Variants in MAGI3 observed in about 807,000 individuals in gnomAD.
The protein encoded by MAGI3 is membrane associated guanylate kinase, WW and PDZ domain containing 3.
Under a neutral mutation model 121.8 loss-of-function variants are expected in MAGI3, and 43 were observed. The observed-to-expected ratio is 0.35, with a 90% CI of 0.28 to 0.46. The LOEUF (loss-of-function observed/expected upper bound fraction) is 0.46. Among genes scored for constraint, MAGI3 ranks in the 20% least tolerant of loss-of-function variants. MAGI3 has a pLI of 1.00. For missense variants in MAGI3, 1,547 were observed against 1,797.3 expected, an observed-to-expected ratio of 0.86 and a Z score of 2.52; for synonymous variants, 553 against 639.3, an observed-to-expected ratio of 0.86 and a Z score of 2.04.
At chr1:113,412,235 G>T (rs997807875) in intron 1 of MAGI3, among the ~76,000 whole-genome samples, 1 of 152,034 alleles carries the variant, frequency 6.6e-6, no homozygotes, top group African/African-American at 2.4e-5. Context: ...GTATTCCATG[G>T]TGTATATGTG....
At chr1:113,679,316 A>G (rs991827736) in intron 19 of MAGI3, among the ~76,000 whole-genome samples, 28 of 151,962 alleles carry the variant, frequency 1.8e-4, no homozygotes, top group African/African-American at 6.5e-4. Context: ...ATGTGTACTC[A>G]GTGTTTAGCT....
chr1:113,445,822 A>G (rs1654150905), intron 1 of MAGI3, among the ~76,000 whole-genome samples: 1 of 152,248 alleles, frequency 6.6e-6, no homozygotes, highest in African/African-American at 2.4e-5. Context: ...AGTGAGGGAT[A>G]AATTAAGACA....
intron 1 of MAGI3, among the ~76,000 whole-genome samples, chr1:113,480,523 C>T (rs1480688993): frequency 6.6e-6 from 1 of 152,146 alleles, no homozygotes; most frequent in Non-Finnish European, 1.5e-5. Flanking sequence ...GGACCTGGAG[C>T]CTGGGGCTAT....
At chr1:113,585,355 A>G (rs1648297966) in intron 3 of MAGI3, 32 bp from the exon 4 acceptor site, 1 of 1,591,384 alleles carries the variant, frequency 6.3e-7, no homozygotes, top group Non-Finnish European at 8.6e-7. Context: ...CTGCAACATT[A>G]GTAATTTCAG....
chr1:113,646,266 A>T (rs576345675), intron 11 of MAGI3, among the ~76,000 whole-genome samples: 7 of 152,258 alleles, frequency 4.6e-5, no homozygotes, highest in African/African-American at 1.7e-4. Flanking sequence ...TCTTCAGTTG[A>T]TATTACTATA....
chr1:113,439,482 GC>G (rs1349887495), intron 1 of MAGI3, among the ~76,000 whole-genome samples: 1 of 152,240 alleles, frequency 6.6e-6, no homozygotes, highest in East Asian at 1.9e-4. Flanking sequence ...ATTTCCTGAA[GC>G]CAGTTTATTA....
Position 113,685,671 on chromosome 1 carries a change from C to T in MAGI3, c.*1657C>T, listed in dbSNP as rs1031805115. On this transcript the variant is annotated 3_prime_UTR_variant, in exon 21 of 21. Coordinates refer to ENST00000307546, the MANE Select transcript of MAGI3 (RefSeq NM_001142782.2). Reference sequence around the variant, plus strand: ...CCCTGTAGTCCACAATTAGTGATAACGAATCCTATTTTTGTTAACTGTGAC... The same window carrying T: ...CCCTGTAGTCCACAATTAGTGATAATGAATCCTATTTTTGTTAACTGTGAC... The T allele has an allele frequency of 1.4e-4, 22 of 152,276 alleles. No individual in the cohort carries two copies. The highest frequency in any genetic ancestry group is 4.8e-4 in the African/African-American group (20 of 41,426). The allele number at this position is 152,276 out of a possible 1,614,324, so 9.4% of individuals were successfully genotyped here.
intron 2 of MAGI3, among the ~76,000 whole-genome samples, chr1:113,558,419 G>GCAATGGT (rs1227216733): frequency 6.6e-6 from 1 of 152,146 alleles, no homozygotes; most frequent in Non-Finnish European, 1.5e-5. Flanking sequence ...GCAATCACAA[G>GCAATGGT]TATTCATAGC....
intron 1 of MAGI3, among the ~76,000 whole-genome samples, chr1:113,493,508 A>G (rs1196175059): frequency 2.0e-5 from 3 of 152,324 alleles, no homozygotes; most frequent in Non-Finnish European, 4.4e-5. Context: ...CAGCTGCAAT[A>G]AAGGTAAAAA....
intron 2 of MAGI3, among the ~76,000 whole-genome samples, chr1:113,573,068 G>C (rs1355563380): frequency 6.6e-6 from 1 of 152,056 alleles, no homozygotes; most frequent in Non-Finnish European, 1.5e-5. Flanking sequence ...TGGGACTACA[G>C]GTGCCCGCCA....
In MAGI3 at chr1:113,531,324, A is replaced by C. The variant is rs551547425; in HGVS notation, c.317-18191A>C. On this transcript the variant is annotated intron_variant, in intron 1 of 20. Coordinates refer to ENST00000307546, the MANE Select transcript of MAGI3 (RefSeq NM_001142782.2). ...TATTTTTATCACTGACATTGTTTAG[A>C]ATTGCTGGCACTTGATGATAAAAAG... Among the ~76,000 whole-genome samples the C allele has an allele frequency of 7.2e-5, 11 of 152,258 alleles. No individual in the cohort carries two copies. The South Asian group carries it at 2.3e-3, about 32-fold the overall frequency.
chr1:113,682,075 C>A, intron 20 of MAGI3: 1 of 1,049,710 alleles, frequency 9.5e-7, no homozygotes, highest in Non-Finnish European at 1.3e-6. Context: ...AGTACCCTTC[C>A]AGCTTATGAT....
At chr1:113,645,639 TC>T (rs1398753978) in intron 11 of MAGI3, among the ~76,000 whole-genome samples, 1 of 152,028 alleles carries the variant, frequency 6.6e-6, no homozygotes, top group African/African-American at 2.4e-5. Flanking sequence ...GATTGAAGGG[TC>T]CCCTCTAGCA....
chr1:113,448,786 C>T (rs1460165580), intron 1 of MAGI3, among the ~76,000 whole-genome samples: 2 of 151,984 alleles, frequency 1.3e-5, no homozygotes, highest in East Asian at 1.9e-4. Context: ...ACCCGGCCCT[C>T]GATGCATTTT....
At chr1:113,467,123 C>T (rs1246617069) in intron 1 of MAGI3, among the ~76,000 whole-genome samples, 2 of 151,972 alleles carry the variant, frequency 1.3e-5, no homozygotes, top group South Asian at 4.2e-4. Flanking sequence ...GTATCCCATA[C>T]GTTTTGTTAT....
At chr1:113,653,193 T>C (rs959787035) in intron 14 of MAGI3, among the ~76,000 whole-genome samples, 1 of 152,238 alleles carries the variant, frequency 6.6e-6, no homozygotes, top group African/African-American at 2.4e-5. Flanking sequence ...ATATTTATAA[T>C]TGATTTTAAA....
At chr1:113,666,371 T>A (rs1654044205) in intron 16 of MAGI3, among the ~76,000 whole-genome samples, 1 of 152,248 alleles carries the variant, frequency 6.6e-6, no homozygotes, top group Non-Finnish European at 1.5e-5. Flanking sequence ...TGTACTATTC[T>A]AAATCCTTTG....
At chr1:113,655,919 T>C (rs1334302879) in intron 15 of MAGI3, among the ~76,000 whole-genome samples, 2 of 152,206 alleles carry the variant, frequency 1.3e-5, no homozygotes, top group Non-Finnish European at 1.5e-5. Context: ...ATCATCATTA[T>C]TTAGAAAATT....
intron 1 of MAGI3, among the ~76,000 whole-genome samples, chr1:113,492,417 G>A (rs191849081): frequency 6.6e-6 from 1 of 152,166 alleles, no homozygotes; most frequent in Non-Finnish European, 1.5e-5. Flanking sequence ...ACATCATACT[G>A]AATGGGCAAA....
Sources: gnomAD v4.1 joint callset for allele counts (sites outside exome capture counted in the v4.1 genomes callset) on GRCh38, gnomAD v4.1.1 for gene constraint, MANE v1.5 for transcripts, NCBI Gene and HGNC (gene_info 2026-07-23, HGNC 2026-07-21) for gene names.